SNAP25: variants seen among roughly 807,000 people sequenced by gnomAD.
SNAP25 encodes synaptosomal-associated protein 25.
SNAP25 carries 3 observed loss-of-function variants against 28.7 expected under a neutral mutation model. The observed-to-expected ratio is 0.10, with a 90% CI of 0.05 to 0.27. The LOEUF (loss-of-function observed/expected upper bound fraction) is 0.27, where lower values mean the gene tolerates loss of function less well. SNAP25 is among the 10% of genes least tolerant of loss of function. The probability of loss-of-function intolerance (pLI) is 1.00; values close to 1 mark genes in which losing one functional copy is unlikely to be tolerated. For missense variants in SNAP25, 117 were observed against 278.7 expected (o/e 0.42, Z 4.13); for synonymous variants, 61 against 88.1 (o/e 0.69, Z 1.72).
intron 1 of SNAP25, among the ~76,000 whole-genome samples, chr20:10,273,454 G>A (rs1177100546): frequency 1.3e-5 from 2 of 152,162 alleles, no homozygotes; most frequent in Non-Finnish European, 2.9e-5. Flanking sequence ...GTTTGCTCAC[G>A]TAAGAGTTCA....
chr20:10,220,419 G>A (rs922376326), intron 1 of SNAP25, among the ~76,000 whole-genome samples: 1 of 152,214 alleles, frequency 6.6e-6, no homozygotes, highest in Non-Finnish European at 1.5e-5. Flanking sequence ...ACAATATTAA[G>A]ACTGGCCTTC....
At chr20:10,292,997 C>G (rs2064032015) in intron 4 of SNAP25, 164 bp from the exon 5 acceptor site, 1 of 1,590,986 alleles carries the variant, frequency 6.3e-7, no homozygotes, top group Non-Finnish European at 8.6e-7. Context: ...GTCCTTGTAA[C>G]AAGTAGGTAC....
chr20:10,277,590 T>G, intron 2 of SNAP25, 95 bp from the exon 3 acceptor site: 1 of 1,040,654 alleles, frequency 9.6e-7, no homozygotes, highest in African/African-American at 1.6e-5. Context: ...CAGAGACCCT[T>G]TGTGTTTCTC....
chr20:10,299,053 C>A (rs564223218), intron 6 of SNAP25, among the ~76,000 whole-genome samples: 88 of 152,082 alleles, frequency 5.8e-4, no homozygotes, highest in Admixed American at 3.3e-3. Flanking sequence ...ATTTAATATA[C>A]CTTCTTTAAG....
At chr20:10,277,513 G>T (rs1363029239) in intron 2 of SNAP25, among the ~76,000 whole-genome samples, 172 bp from the exon 3 acceptor site, 1 of 152,206 alleles carries the variant, frequency 6.6e-6, no homozygotes, top group African/African-American at 2.4e-5. Flanking sequence ...TAAAAAGCCT[G>T]ATAGGAAAGA....
rs113651954 is a variant in SNAP25, at chr20:10,291,095, C to T, written c.164-2066C>T. ...TTAATTGTAATTTTTATTTTTGGGACGGAGTTTCGCTCTTGTTGCCCAAGC... is the reference window on the plus strand; with the variant it reads ...TTAATTGTAATTTTTATTTTTGGGATGGAGTTTCGCTCTTGTTGCCCAAGC... On this transcript the variant is annotated intron_variant, in intron 4 of 7. Coordinates refer to ENST00000254976, the MANE Select transcript of SNAP25 (RefSeq NM_130811.4). Among the ~76,000 whole-genome samples the T allele has an allele frequency of 5.9e-3, 896 of 152,180 alleles. 15 individuals are homozygous for T. Among genetic ancestry groups the T allele is most frequent in the African/African-American group, 0.02 (831 of 41,522 alleles).
At chr20:10,234,193 T>C (rs1320479171) in intron 1 of SNAP25, among the ~76,000 whole-genome samples, 3 of 152,238 alleles carry the variant, frequency 2.0e-5, no homozygotes, top group Non-Finnish European at 2.9e-5. Flanking sequence ...TAATTTTTTT[T>C]TTTGAACTTC....
chr20:10,293,389 A>C lies in SNAP25; in HGVS notation c.281+111A>C. ...GCAGGATGAGCATGTGGCATGCAGA[A>C]CAGATCAATACCGTCTCCAATGCAT... On this transcript the variant is annotated intron_variant, in intron 5 of 7. Coordinates refer to ENST00000254976, the MANE Select transcript of SNAP25 (RefSeq NM_130811.4). The surrounding 1 kb of genome is among the most constrained non-coding windows in gnomAD (Gnocchi z 5.6). 2 of 737,616 alleles carry C rather than the reference A, an allele frequency of 2.7e-6. No individual in the cohort carries two copies. Among genetic ancestry groups the C allele is most frequent in the Non-Finnish European group, 4.8e-6 (2 of 419,982 alleles). The allele number at this position is 737,616 out of a possible 1,614,324, so 45.7% of individuals were successfully genotyped here.
intron 3 of SNAP25, among the ~76,000 whole-genome samples, chr20:10,280,975 T>C (rs114979923): frequency 0.017 from 2,603 of 152,308 alleles, 74 homozygotes; most frequent in African/African-American, 0.06. Context: ...TGGAGTGTTC[T>C]AGTTTTAGTT....
chr20:10,256,336 A>T (rs1013317374), intron 1 of SNAP25, among the ~76,000 whole-genome samples: 4 of 152,270 alleles, frequency 2.6e-5, no homozygotes, highest in Non-Finnish European at 4.4e-5. Context: ...GAAAGAATGA[A>T]TTATTCAATA....
chr20:10,267,983 G>A (rs920593765), intron 1 of SNAP25, among the ~76,000 whole-genome samples: 12 of 152,052 alleles, frequency 7.9e-5, no homozygotes, highest in South Asian at 4.2e-4. Context: ...AATAGTTACC[G>A]CTAAGCCTGT....
chr20:10,275,115 G>A (rs2063667988), intron 1 of SNAP25, among the ~76,000 whole-genome samples: 2 of 118,484 alleles, frequency 1.7e-5, no homozygotes, highest in Admixed American at 8.3e-5. Context: ...ATAAATAAAT[G>A]TGATGATAAA....
rs1600776625 is a variant in SNAP25, at chr20:10,293,824, G to A, written c.281+546G>A. ...TGCTGCCACTGCACCCAACACAGAGGCAATGAGCTCTTCAGCAAGAAGTGC... is the reference window on the plus strand; with the variant it reads ...TGCTGCCACTGCACCCAACACAGAGACAATGAGCTCTTCAGCAAGAAGTGC... On this transcript the variant is annotated intron_variant, in intron 5 of 7. Coordinates refer to ENST00000254976, the MANE Select transcript of SNAP25 (RefSeq NM_130811.4). The surrounding 1 kb of genome is among the most constrained non-coding windows in gnomAD (Gnocchi z 5.6). Among the ~76,000 whole-genome samples the A allele has an allele frequency of 6.6e-6, 1 of 152,152 alleles. No homozygotes were observed. The highest frequency in any genetic ancestry group is 1.9e-4 in the East Asian group (1 of 5,180).
At position 10,281,778 on chromosome 20, in the gene SNAP25, A is replaced by G. The variant is rs971307099; in HGVS notation, c.115-2946A>G. ...AGCAGCTCATTCTAAATGGATTGAGATTCTACTCAATGTCTTATTTCCTGA... is the reference window on the plus strand; with the variant it reads ...AGCAGCTCATTCTAAATGGATTGAGGTTCTACTCAATGTCTTATTTCCTGA... On this transcript the variant is annotated intron_variant, in intron 3 of 7. Coordinates refer to ENST00000254976, the MANE Select transcript of SNAP25 (RefSeq NM_130811.4). Among the ~76,000 whole-genome samples, 62 of 152,242 alleles carry G rather than the reference A, an allele frequency of 4.1e-4. 1 individual carries two copies. The highest frequency in any genetic ancestry group is 2.1e-4 in the South Asian group (1 of 4,836).
intron 1 of SNAP25, among the ~76,000 whole-genome samples, chr20:10,222,692 G>A (rs775069357): frequency 1.6e-4 from 25 of 152,242 alleles, no homozygotes; most frequent in Middle Eastern, 3.4e-3. Flanking sequence ...TTGACAGAGT[G>A]GATTTAATTT....
intron 1 of SNAP25, among the ~76,000 whole-genome samples, chr20:10,245,674 A>G (rs1052775311): frequency 1.1e-4 from 16 of 149,290 alleles, no homozygotes; most frequent in Non-Finnish European, 1.8e-4. Flanking sequence ...GGCGACAGAA[A>G]TGCTATCTTC....
intron 1 of SNAP25, among the ~76,000 whole-genome samples, chr20:10,222,543 G>A (rs2062653376): frequency 6.6e-6 from 1 of 152,180 alleles, no homozygotes; most frequent in Non-Finnish European, 1.5e-5. Flanking sequence ...GGAATAGGCT[G>A]GGATGCAGAG....
At chr20:10,258,577 G>A (rs1017290920) in intron 1 of SNAP25, among the ~76,000 whole-genome samples, 1 of 152,122 alleles carries the variant, frequency 6.6e-6, no homozygotes, top group African/African-American at 2.4e-5. Flanking sequence ...AAAATCTCCA[G>A]GCCCTTTGCC....
chr20:10,242,591 G>T (rs961295390), intron 1 of SNAP25, among the ~76,000 whole-genome samples: 1 of 152,180 alleles, frequency 6.6e-6, no homozygotes, highest in Non-Finnish European at 1.5e-5. Context: ...AGAGGAGAGG[G>T]AGGATGCCTA....
Sources: gnomAD v4.1 joint callset for allele counts (sites outside exome capture counted in the v4.1 genomes callset) on GRCh38, gnomAD v4.1.1 for gene constraint, Gnocchi (gnomAD v3.1) non-coding constraint, MANE v1.5 for transcripts, NCBI Gene and HGNC (gene_info 2026-07-23, HGNC 2026-07-21) for gene names.